PEPD: variants seen among roughly 807,000 people sequenced by gnomAD.
The protein encoded by PEPD is peptidase D, also known as xaa-Pro dipeptidase.
Under a neutral mutation model 60.7 loss-of-function variants are expected in PEPD, and 53 were observed. The ratio of observed to expected loss-of-function variants is 0.87; its 90% confidence interval spans 0.70 to 1.10. PEPD has a LOEUF of 1.10. PEPD is among the 50% of genes least tolerant of loss of function. The pLI, the probability that PEPD is intolerant of heterozygous loss-of-function variation, is 0.00. For missense variants in PEPD, 711 were observed against 711.9 expected (o/e 1.00, Z 0.01); for synonymous variants, 267 against 284.1 (o/e 0.94, Z 0.60).
chr19:33,414,487 G>A (rs1968845828), intron 9 of PEPD, among the ~76,000 whole-genome samples: 1 of 152,174 alleles, frequency 6.6e-6, no homozygotes, highest in Non-Finnish European at 1.5e-5. Context: ...GTGGTCGTGG[G>A]GAGCTGCCCT....
At chr19:33,513,601 C>T (rs555706279) in intron 1 of PEPD, among the ~76,000 whole-genome samples, 1 of 152,308 alleles carries the variant, frequency 6.6e-6, no homozygotes, top group African/African-American at 2.4e-5. Flanking sequence ...GCAACTTCCC[C>T]GTGGCCTGGT....
intron 4 of PEPD, among the ~76,000 whole-genome samples, chr19:33,496,021 T>G (rs914391057): frequency 6.6e-6 from 1 of 151,968 alleles, no homozygotes; most frequent in African/African-American, 2.4e-5. Context: ...AAGGTTCAGC[T>G]GTGTCCCTAC....
At chr19:33,510,005 CAG>C (rs1970890343) in intron 3 of PEPD, among the ~76,000 whole-genome samples, 1 of 152,242 alleles carries the variant, frequency 6.6e-6, no homozygotes, top group Non-Finnish European at 1.5e-5. Flanking sequence ...CGATGGGCCT[CAG>C]AGAGGCGGTT....
At chr19:33,401,891 G>A in intron 11 of PEPD, 22 bp from the exon 12 acceptor site, 1 of 1,611,648 alleles carries the variant, frequency 6.2e-7, no homozygotes, top group Non-Finnish European at 8.5e-7. Flanking sequence ...GGAAGGCAGG[G>A]CAAGTGGGTA....
intron 7 of PEPD, among the ~76,000 whole-genome samples, chr19:33,469,286 C>G (rs1484903304): frequency 1.3e-5 from 2 of 152,196 alleles, no homozygotes; most frequent in Non-Finnish European, 2.9e-5. Flanking sequence ...GCTCCAGGAG[C>G]ACTGAGCACT....
chr19:33,495,411 T>C, intron 4 of PEPD, among the ~76,000 whole-genome samples: 1 of 149,096 alleles, frequency 6.7e-6, no homozygotes. Context: ...GGCAGAAGAA[T>C]CGCTTGAACC....
At chr19:33,458,380 T>G (rs561524578) in intron 9 of PEPD, among the ~76,000 whole-genome samples, 2 of 148,772 alleles carry the variant, frequency 1.3e-5, no homozygotes, top group Non-Finnish European at 3.0e-5. Context: ...TGTAGGTGTG[T>G]GTGGCAAGTG....
At chr19:33,391,571 C>T in intron 12 of PEPD, 92 bp from the exon 13 acceptor site, 1 of 1,193,982 alleles carries the variant, frequency 8.4e-7, no homozygotes, top group African/African-American at 1.5e-5. Flanking sequence ...CTCACACTGG[C>T]TGTGGTGGGA....
At chr19:33,447,655 T>G (rs984640418) in intron 9 of PEPD, among the ~76,000 whole-genome samples, 1 of 152,194 alleles carries the variant, frequency 6.6e-6, no homozygotes, top group Non-Finnish European at 1.5e-5. Flanking sequence ...CAGAGGGAGC[T>G]GCGAGAGGAC....
chr19:33,474,258 G>A (rs1292550371), intron 7 of PEPD, among the ~76,000 whole-genome samples: 1 of 152,258 alleles, frequency 6.6e-6, no homozygotes, highest in Non-Finnish European at 1.5e-5. Context: ...GCAAGGAGCA[G>A]TGCAAGAGCC....
At chr19:33,425,041 CAG>C (rs1969111136) in intron 9 of PEPD, among the ~76,000 whole-genome samples, 1 of 152,084 alleles carries the variant, frequency 6.6e-6, no homozygotes, top group Non-Finnish European at 1.5e-5. Flanking sequence ...CAGATACATC[CAG>C]AGAGGCTCAA....
intron 6 of PEPD, among the ~76,000 whole-genome samples, chr19:33,481,520 C>T (rs778458802): frequency 8.6e-5 from 13 of 151,986 alleles, no homozygotes; most frequent in Admixed American, 2.0e-4. Context: ...GAGCCGAGAT[C>T]GTGCCATTGC....
rs1375577151 is a variant in PEPD at position 33,391,453 on chromosome 19, G to T, written c.994C>A (p.Leu332Met). 27 of 1,553,578 alleles carry T rather than the reference G, an allele frequency of 1.7e-5. No individual in the cohort carries two copies. Among genetic ancestry groups the T allele is most frequent in the Non-Finnish European group, 2.4e-5 (27 of 1,148,902 alleles). ...PGVWWPDMHR[L>M]ADRIHLEELA... The stretch of plus-strand genomic sequence containing the variant: ...TCCTCCAGGTGGATGCGGTCAGCCA[G>T]GCGGTGCATGTCAGGCCACCAGACA... The change falls in exon 13 of 15, where the codon CTG becomes ATG. Residue 332 changes from leucine (L) to methionine (M), a missense_variant. Coordinates refer to ENST00000244137, the MANE Select transcript of PEPD (RefSeq NM_000285.4).
chr19:33,412,888 G>A (rs996145095), intron 10 of PEPD, among the ~76,000 whole-genome samples: 1 of 152,188 alleles, frequency 6.6e-6, no homozygotes, highest in Non-Finnish European at 1.5e-5. Context: ...GGACGCATGT[G>A]GGGGCAGACA....
At chr19:33,456,198 T>C (rs1482793867) in intron 9 of PEPD, among the ~76,000 whole-genome samples, 2 of 152,138 alleles carry the variant, frequency 1.3e-5, no homozygotes, top group East Asian at 3.9e-4. Flanking sequence ...GTCGAATCTC[T>C]GGTGGAGAGA....
chr19:33,452,366 AT>A (rs1317162706), intron 9 of PEPD, among the ~76,000 whole-genome samples: 1 of 152,230 alleles, frequency 6.6e-6, no homozygotes, highest in Non-Finnish European at 1.5e-5. Flanking sequence ...AAAATAAAAA[AT>A]AAACTAAGAT....
chr19:33,453,645 T>C (rs1414213553), intron 9 of PEPD, among the ~76,000 whole-genome samples: 2 of 152,262 alleles, frequency 1.3e-5, no homozygotes, highest in African/African-American at 4.8e-5. Context: ...ACATAACTTT[T>C]ATATGCACTA....
chr19:33,507,533 C>T (rs892156463), intron 3 of PEPD, among the ~76,000 whole-genome samples: 5 of 152,266 alleles, frequency 3.3e-5, no homozygotes, highest in South Asian at 4.1e-4. Flanking sequence ...ATCCTGCAGA[C>T]GGGGGTGTCG....
At chr19:33,434,191 G>A (rs979153588) in intron 9 of PEPD, among the ~76,000 whole-genome samples, 20 of 152,058 alleles carry the variant, frequency 1.3e-4, no homozygotes, top group East Asian at 1.9e-4. Flanking sequence ...CAATCTGCTC[G>A]TTTTCACTGC....
Sources: allele counts gnomAD v4.1 joint callset (sites outside exome capture counted in the v4.1 genomes callset), GRCh38; gene constraint gnomAD v4.1.1; transcripts MANE v1.5; gene names NCBI Gene and HGNC (gene_info 2026-07-23, HGNC 2026-07-21).